The following PRDM6 variants were observed in gnomAD, a reference collection of about 807,000 sequenced individuals.
PRDM6 encodes the protein putative histone-lysine N-methyltransferase PRDM6.
In PRDM6, 25 loss-of-function variants were observed where a neutral mutation model predicts 60.8. The ratio of observed to expected loss-of-function variants is 0.41; its 90% CI spans 0.30 to 0.57. The LOEUF (loss-of-function observed/expected upper bound fraction) is 0.57. PRDM6 is among the 20% of genes least tolerant of loss of function. The pLI is 0.27. For missense variants in PRDM6, 839 were observed against 821.3 expected (o/e 1.02, Z -0.26); for synonymous variants, 407 against 357.4 (o/e 1.14, Z -1.57).
At chr5:123,167,743 C>G (rs990431434) in intron 5 of PRDM6, among the ~76,000 whole-genome samples, 1 of 152,174 alleles carries the variant, frequency 6.6e-6, no homozygotes, top group Non-Finnish European at 1.5e-5. Context: ...ATCATCTACA[C>G]TTAGAGTATT....
intron 1 of PRDM6, 87 bp from the exon 2 acceptor site, chr5:123,089,913 G>T (rs1763767402): frequency 4.0e-6 from 4 of 997,440 alleles, no homozygotes; most frequent in Non-Finnish European, 5.7e-6. Context: ...CACCGGCTCG[G>T]GCACTTTCTC....
chr5:123,134,354 T>C (rs1419538571), intron 3 of PRDM6, among the ~76,000 whole-genome samples: 2 of 152,128 alleles, frequency 1.3e-5, no homozygotes, highest in Non-Finnish European at 2.9e-5. Flanking sequence ...TCAGTATAGA[T>C]CTTTATTTTA....
In PRDM6 at chr5:123,089,388, G is replaced by T. The variant is rs974528173; in HGVS notation, c.-147G>T. The T allele has an allele frequency of 6.6e-6, 1 of 152,606 alleles. No individual in the cohort carries two copies. Among genetic ancestry groups the T allele is most frequent in the Admixed American group, 6.5e-5 (1 of 15,270 alleles). 9.5% of individuals were successfully genotyped at this position (152,606 alleles called of 1,614,324 possible). A position where few individuals can be genotyped will look rare whatever the true frequency, so the allele number is the denominator to read the frequency against. On this transcript the variant is annotated 5_prime_UTR_variant, in exon 1 of 8. Coordinates refer to ENST00000407847, the MANE Select transcript of PRDM6 (RefSeq NM_001136239.4). Reference sequence around the variant, plus strand: ...TCGCTTGCAGGTCGGGAGGTTTCCGGGCGGCACAATCTCTAGGACTCTCCT... The same window carrying T: ...TCGCTTGCAGGTCGGGAGGTTTCCGTGCGGCACAATCTCTAGGACTCTCCT...
At chr5:123,098,086 T>A (rs1763999282) in intron 2 of PRDM6, among the ~76,000 whole-genome samples, 1 of 152,240 alleles carries the variant, frequency 6.6e-6, no homozygotes, top group Non-Finnish European at 1.5e-5. Context: ...TAGCTGTTCC[T>A]GACACAAACG....
intron 6 of PRDM6, among the ~76,000 whole-genome samples, chr5:123,176,154 G>T (rs1029298172): frequency 3.3e-5 from 5 of 151,668 alleles, no homozygotes; most frequent in South Asian, 2.1e-4. Context: ...TTTCTCAGGC[G>T]CACTAGCCAC....
chr5:123,095,369 C>T (rs1195580549), intron 2 of PRDM6, among the ~76,000 whole-genome samples: 2 of 152,260 alleles, frequency 1.3e-5, no homozygotes, highest in African/African-American at 2.4e-5. Flanking sequence ...TCAGCCATCC[C>T]ATCTAGCCTA....
At chr5:123,154,232 T>C (rs1765442140) in intron 3 of PRDM6, among the ~76,000 whole-genome samples, 1 of 152,186 alleles carries the variant, frequency 6.6e-6, no homozygotes, top group Non-Finnish European at 1.5e-5. Flanking sequence ...TATCATTAGA[T>C]TGTTCATGTA....
intron 3 of PRDM6, among the ~76,000 whole-genome samples, chr5:123,148,479 T>A (rs964575374): frequency 6.6e-6 from 1 of 152,100 alleles, no homozygotes; most frequent in Admixed American, 6.6e-5. Flanking sequence ...AAAAAATGTA[T>A]AATATATATT....
chr5:123,090,062 C>A lies in PRDM6; in HGVS notation c.48C>A (p.Asp16Glu). The change falls in exon 2 of 8, where the codon GAC becomes GAA. Residue 16 changes from aspartate to glutamate, a missense_variant. Asp to Glu is a conservative substitution (Grantham distance 45). Coordinates refer to ENST00000407847, the MANE Select transcript of PRDM6 (RefSeq NM_001136239.4). ...GCGGTTCGGCCTTCCTCAAAGTGGA[C>A]CCAGCCTACCTGCAGCACTGGCAGC... is the stretch of plus-strand genomic sequence containing the variant. ...DPGGSAFLKV[D>E]PAYLQHWQQL... 1 of 1,548,418 alleles carries A rather than the reference C, an allele frequency of 6.5e-7. No individual in the cohort carries two copies. The highest frequency in any genetic ancestry group is 8.7e-7 in the Non-Finnish European group (1 of 1,146,098).
chr5:123,178,343 A>G (rs1352299114), intron 6 of PRDM6, among the ~76,000 whole-genome samples: 7 of 152,240 alleles, frequency 4.6e-5, no homozygotes, highest in African/African-American at 1.7e-4. Context: ...TATAGCATAT[A>G]TTAATATATT....
chr5:123,115,405 C>T (rs921845196), intron 3 of PRDM6, among the ~76,000 whole-genome samples: 2 of 152,254 alleles, frequency 1.3e-5, no homozygotes, highest in African/African-American at 4.8e-5. Context: ...CTTTTACCTC[C>T]TCTACTCATA....
chr5:123,188,854 C>T lies in PRDM6; in HGVS notation c.*1653C>T, dbSNP rs1766344138. 1.3e-5 allele frequency: 2 copies of T among 152,122 alleles called. No individual in the cohort carries two copies. Among genetic ancestry groups the T allele is most frequent in the Admixed American group, 6.6e-5 (1 of 15,266 alleles). 9.4% of individuals were successfully genotyped at this position (152,122 alleles called of 1,614,324 possible). ...CTATTCCTTAGCACCCCAGCTACCA[C>T]ATTTTAAATGGAATTCAACAGGGTC... On this transcript the variant is annotated 3_prime_UTR_variant, in exon 8 of 8. Transcript: ENST00000407847.
intron 3 of PRDM6, among the ~76,000 whole-genome samples, chr5:123,155,247 T>A (rs1043183159): frequency 2.6e-5 from 4 of 150,962 alleles, no homozygotes; most frequent in African/African-American, 9.7e-5. Context: ...TTTCTTTCCT[T>A]TTTTGAGGGT....
chr5:123,167,736 A>G (rs988761688), intron 5 of PRDM6, among the ~76,000 whole-genome samples: 4 of 152,150 alleles, frequency 2.6e-5, no homozygotes, highest in African/African-American at 9.7e-5. Context: ...AGAATCTATC[A>G]TCTACACTTA....
chr5:123,184,730 G>T (rs759166719), intron 7 of PRDM6, among the ~76,000 whole-genome samples: 1 of 152,154 alleles, frequency 6.6e-6, no homozygotes, highest in Non-Finnish European at 1.5e-5. Flanking sequence ...TCTCTAAAAT[G>T]TAAGATAATG....
At chr5:123,140,888 A>G (rs58844626) in intron 3 of PRDM6, among the ~76,000 whole-genome samples, 1 of 151,994 alleles carries the variant, frequency 6.6e-6, no homozygotes, top group African/African-American at 2.4e-5. Context: ...AGGTATTATT[A>G]TTTTTAAAGT....
At chr5:123,186,364 T>G (rs1220584830) in intron 7 of PRDM6, among the ~76,000 whole-genome samples, 4 of 152,186 alleles carry the variant, frequency 2.6e-5, no homozygotes, top group Admixed American at 6.5e-5. Context: ...ACAGTCTTTT[T>G]TTGTTGTTGT....
Position 123,187,323 on chromosome 5 carries a change from A to G in PRDM6, c.*122A>G. On this transcript the variant is annotated 3_prime_UTR_variant, in exon 8 of 8. Transcript: ENST00000407847. ...TCAGTCCCAGAAAACCAAAAGCAGT[A>G]ATAAAATAAGTAAGATGTTAAGAGA... 1 of 659,438 alleles carries G rather than the reference A, an allele frequency of 1.5e-6. No homozygotes were observed. Among genetic ancestry groups the G allele is most frequent in the East Asian group, 3.0e-5 (1 of 33,446 alleles). 40.8% of individuals were successfully genotyped at this position (659,438 alleles called of 1,614,324 possible).
intron 3 of PRDM6, among the ~76,000 whole-genome samples, chr5:123,107,657 A>G (rs978014360): frequency 6.6e-6 from 1 of 152,238 alleles, no homozygotes; most frequent in Non-Finnish European, 1.5e-5. Context: ...ACAAACTGGG[A>G]CTTGTAAAAT....
Sources: gnomAD v4.1 joint callset for allele counts (sites outside exome capture counted in the v4.1 genomes callset) on GRCh38, gnomAD v4.1.1 for gene constraint, MANE v1.5 for transcripts, NCBI Gene and HGNC (gene_info 2026-07-23, HGNC 2026-07-21) for gene names.